The following ZNF654 variants were observed in gnomAD, a reference collection of about 807,000 sequenced individuals.
ZNF654 encodes the protein zinc finger protein 654.
ZNF654 carries 19 observed loss-of-function variants against 95.3 expected under a neutral mutation model. That is an observed-to-expected ratio of 0.20 (90% CI 0.14 to 0.29). ZNF654 has a LOEUF of 0.29. ZNF654 is among the 10% of genes least tolerant of loss of function. The pLI, the probability that ZNF654 is intolerant of heterozygous loss-of-function variation, is 1.00. For synonymous variants in ZNF654, 413 were observed against 457.9 expected, an observed-to-expected ratio of 0.90 and a Z score of 1.25; for missense variants, 1,046 against 1,341.0, an observed-to-expected ratio of 0.78 and a Z score of 3.44.
chr3:88,087,076 C>T (rs912075026), intron 2 of ZNF654, among the ~76,000 whole-genome samples: 4 of 150,568 alleles, frequency 2.7e-5, no homozygotes, highest in African/African-American at 9.8e-5. Flanking sequence ...GCCACCGTGC[C>T]CAGCCCATTG....
chr3:88,064,194 G>A (rs1004715318), intron 1 of ZNF654, among the ~76,000 whole-genome samples: 1 of 151,484 alleles, frequency 6.6e-6, no homozygotes, highest in African/African-American at 2.4e-5. Flanking sequence ...TTCTCCAGAG[G>A]CTATCACTGG....
intron 1 of ZNF654, among the ~76,000 whole-genome samples, chr3:88,081,879 A>G (rs1708094510): frequency 6.6e-6 from 1 of 152,180 alleles, no homozygotes; most frequent in Non-Finnish European, 1.5e-5. Flanking sequence ...AGGATCTCTC[A>G]ATGGATAGCT....
At chr3:88,125,840 T>C (rs981486945) in intron 3 of ZNF654, among the ~76,000 whole-genome samples, 1 of 152,148 alleles carries the variant, frequency 6.6e-6, no homozygotes, top group African/African-American at 2.4e-5. Context: ...TAAGTTTCAG[T>C]TTTTTGCAAC....
At chr3:88,117,107 A>C (rs988553980) in intron 3 of ZNF654, among the ~76,000 whole-genome samples, 3 of 152,224 alleles carry the variant, frequency 2.0e-5, no homozygotes, top group African/African-American at 7.2e-5. Context: ...CAGAGGTAAA[A>C]TATTATATAG....
At position 88,125,235 on chromosome 3, in the gene ZNF654, C is replaced by CA. The variant is rs199953949; in HGVS notation, c.415-890dup. ...CATCTCAAAAAAAAAAACAAAAAAA[C>CA]AAAAAAAAACCAATATCTAATAAAG... On this transcript the variant is annotated intron_variant, in intron 3 of 8. Transcript: ENST00000636215. 8.5e-3 allele frequency among the ~76,000 whole-genome samples: 1,243 copies of CA among 146,384 alleles called. 10 individuals carry two copies. Among genetic ancestry groups the CA allele is most frequent in the African/African-American group, 0.03 (1,192 of 39,992 alleles).
intron 3 of ZNF654, among the ~76,000 whole-genome samples, chr3:88,115,974 G>T (rs1341650066): frequency 1.3e-5 from 2 of 152,184 alleles, no homozygotes; most frequent in Non-Finnish European, 2.9e-5. Context: ...TTGATTGACT[G>T]AATGCGATGA....
At chr3:88,137,727 A>T (rs1407869590) in intron 7 of ZNF654, among the ~76,000 whole-genome samples, 1 of 152,190 alleles carries the variant, frequency 6.6e-6, no homozygotes, top group Non-Finnish European at 1.5e-5. Flanking sequence ...GTAGGAATTT[A>T]CTAGCTGGAT....
chr3:88,103,176 A>T (rs577554758), intron 2 of ZNF654, among the ~76,000 whole-genome samples: 36 of 152,040 alleles, frequency 2.4e-4, no homozygotes, highest in South Asian at 2.3e-3. Flanking sequence ...ATTTTTTTTT[A>T]AAAAAGAGAC....
At chr3:88,079,660 A>G (rs1008119956) in intron 1 of ZNF654, among the ~76,000 whole-genome samples, 19 of 152,038 alleles carry the variant, frequency 1.2e-4, no homozygotes, top group African/African-American at 4.3e-4. Flanking sequence ...GGTAGGTTGG[A>G]CTAGATAATC....
intron 3 of ZNF654, among the ~76,000 whole-genome samples, chr3:88,117,115 T>C (rs1334480008): frequency 7.9e-5 from 12 of 152,232 alleles, no homozygotes; most frequent in Non-Finnish European, 1.5e-5. Context: ...AAATATTATA[T>C]AGAGATGGAA....
intron 3 of ZNF654, among the ~76,000 whole-genome samples, chr3:88,118,795 A>G (rs1705571730): frequency 6.6e-6 from 1 of 152,204 alleles, no homozygotes; most frequent in Non-Finnish European, 1.5e-5. Context: ...GGTCTACTCA[A>G]CTGCACTTTG....
intron 2 of ZNF654, among the ~76,000 whole-genome samples, chr3:88,092,322 A>G (rs1703790082): frequency 6.6e-6 from 1 of 152,244 alleles, no homozygotes; most frequent in Non-Finnish European, 1.5e-5. Context: ...TATAAGATAG[A>G]TAAATTCTTG....
Position 88,143,568 on chromosome 3 carries a change from TTAA to T in ZNF654, c.*1919_*1921del, listed in dbSNP as rs1292609582. The T allele has an allele frequency of 2.0e-5, 3 of 152,350 alleles. No individual in the cohort carries two copies. Among genetic ancestry groups the T allele is most frequent in the African/African-American group, 7.2e-5 (3 of 41,426 alleles). The allele number at this position is 152,350 out of a possible 1,614,324, so 9.4% of individuals were successfully genotyped here. A position where few individuals can be genotyped will look rare whatever the true frequency, so the allele number is the denominator to read the frequency against. On this transcript the variant is annotated 3_prime_UTR_variant, in exon 9 of 9. Transcript: ENST00000636215. Reference sequence around the variant, plus strand: ...TCTGCTTTGTACATTTTCCAGAAGTTTAATATTTTATCACATTTTCCACAAGTT... The same window carrying T: ...TCTGCTTTGTACATTTTCCAGAAGTTTATTTTATCACATTTTCCACAAGTT...
At position 88,139,709 on chromosome 3, in the gene ZNF654, C is replaced by T. The variant is rs1242368388; in HGVS notation, c.2040C>T (p.Gly680=). 10 of 1,572,928 alleles carry T rather than the reference C, an allele frequency of 6.4e-6. No homozygotes were observed. The highest frequency in any genetic ancestry group is 8.6e-6 in the Non-Finnish European group (10 of 1,157,766). Residue 680 remains glycine (G), a synonymous_variant, in exon 8 of 9, where the codon GGC becomes GGT. Coordinates refer to ENST00000636215, the MANE Select transcript of ZNF654 (RefSeq NM_001350134.2). ...EDVIENVIEN[G]SPNNSLNNVF... ...TTATTGAAAATGTTATTGAAAATGGCAGTCCTAATAATTCTTTAAATAATG... is the reference window on the plus strand; with the variant it reads ...TTATTGAAAATGTTATTGAAAATGGTAGTCCTAATAATTCTTTAAATAATG...
intron 1 of ZNF654, among the ~76,000 whole-genome samples, chr3:88,069,707 A>C (rs530119888): frequency 4.5e-4 from 69 of 152,334 alleles, no homozygotes; most frequent in Non-Finnish European, 8.5e-4. Context: ...TTGACATTAT[A>C]GAGTGTTAAT....
At chr3:88,091,866 G>A (rs1214098723) in intron 2 of ZNF654, among the ~76,000 whole-genome samples, 1 of 152,144 alleles carries the variant, frequency 6.6e-6, no homozygotes, top group Admixed American at 6.5e-5. Context: ...GTAGAACTGT[G>A]AGTCCATTAA....
At chr3:88,079,625 T>G (rs547398423) in intron 1 of ZNF654, among the ~76,000 whole-genome samples, 2 of 152,190 alleles carry the variant, frequency 1.3e-5, no homozygotes, top group African/African-American at 4.8e-5. Flanking sequence ...GGAGTGATAC[T>G]GTAATGGGTA....
At chr3:88,102,838 T>TTTTA (rs60771091) in intron 2 of ZNF654, among the ~76,000 whole-genome samples, 18 of 146,908 alleles carry the variant, frequency 1.2e-4, no homozygotes, top group Non-Finnish European at 2.6e-4. Flanking sequence ...TTTTTTTTTT[T>TTTTA]AATAATTTCA....
chr3:88,109,181 A>G (rs369989470), intron 2 of ZNF654, among the ~76,000 whole-genome samples: 21 of 61,210 alleles, frequency 3.4e-4, no homozygotes, highest in South Asian at 2.2e-3. Flanking sequence ...GTGTGTGTGT[A>G]TGAAGAAAAC....
Sources: gnomAD v4.1 joint callset for allele counts (sites outside exome capture counted in the v4.1 genomes callset) on GRCh38, gnomAD v4.1.1 for gene constraint, MANE v1.5 for transcripts, NCBI Gene and HGNC (gene_info 2026-07-23, HGNC 2026-07-21) for gene names.